Variants in GXYLT1 observed in about 807,000 individuals in gnomAD.
The protein encoded by GXYLT1 is glycosyltransferase 8 domain containing 3.
GXYLT1 carries 29 observed loss-of-function variants against 54.0 expected under a neutral mutation model. The observed-to-expected ratio is 0.54, with a 90% CI of 0.40 to 0.73. The LOEUF is 0.73. Ranked by LOEUF, GXYLT1 falls within the 30% of genes least tolerant of loss-of-function variation. The pLI is 0.00. For synonymous variants in GXYLT1, 176 were observed against 204.1 expected, an observed-to-expected ratio of 0.86 and a Z score of 1.17; for missense variants, 490 against 553.4, an observed-to-expected ratio of 0.89 and a Z score of 1.15.
chr12:42,118,783 A>G (rs1363535470), intron 3 of GXYLT1, among the ~76,000 whole-genome samples: 1 of 152,178 alleles, frequency 6.6e-6, no homozygotes, highest in Non-Finnish European at 1.5e-5. Context: ...CATGTAAGAC[A>G]TGCCTTACTT....
chr12:42,144,628 CG>C lies in GXYLT1; in HGVS notation c.18del (p.Val7SerfsTer51). The C allele has an allele frequency of 6.8e-7, 1 of 1,467,926 alleles. No homozygotes were observed. The highest frequency in any genetic ancestry group is 9.0e-7 in the Non-Finnish European group (1 of 1,107,988). 90.9% of individuals were successfully genotyped at this position (1,467,926 alleles called of 1,614,324 possible). ...CCGCAGGCCACACACAGCACCACGA[CG>C]CGCAGGTAGCGCCGCATCGCCCCGG... Reference protein sequence around the residue: MRRYLRVVVLCVACGF... With the variant: MRRYLXVVVLCVACGF... On this transcript the variant is annotated frameshift_variant, in exon 1 of 8. Coordinates refer to ENST00000398675, the MANE Select transcript of GXYLT1 (RefSeq NM_173601.2). LOFTEE classifies it high-confidence loss of function.
intron 2 of GXYLT1, among the ~76,000 whole-genome samples, chr12:42,123,031 A>C (rs1472401071): frequency 6.6e-6 from 1 of 152,150 alleles, no homozygotes; most frequent in Non-Finnish European, 1.5e-5. Flanking sequence ...GACATTCTGC[A>C]AAACAAAAAC....
chr12:42,114,368 C>T lies in GXYLT1; in HGVS notation c.486+4632G>A, dbSNP rs555008933. 1.4e-4 allele frequency among the ~76,000 whole-genome samples: 21 copies of T among 152,048 alleles called. No homozygotes were observed. The South Asian group carries it at 2.1e-3, about 15-fold the overall frequency. ...TGGTTTTTTGAAAAGATCAACAAAA[C>T]TGATAGAACGCTAGCAAGACTAACA... On this transcript the variant is annotated intron_variant, in intron 3 of 7. Transcript: ENST00000398675.
intron 1 of GXYLT1, 80 bp downstream of exon 1, chr12:42,144,346 G>A: frequency 2.2e-6 from 2 of 915,562 alleles, no homozygotes; most frequent in Non-Finnish European, 1.5e-6. Flanking sequence ...GGCACCCACC[G>A]GCGAGCAGCC....
At chr12:42,098,060 T>C (rs780998149) in intron 5 of GXYLT1, 27 bp from the exon 6 acceptor site, 3 of 1,603,880 alleles carry the variant, frequency 1.9e-6, no homozygotes, top group South Asian at 2.2e-5. Flanking sequence ...TCAAAAGAGC[T>C]TCAGACTTTC....
At chr12:42,097,126 C>T (rs552622421) in intron 7 of GXYLT1, among the ~76,000 whole-genome samples, 1 of 151,888 alleles carries the variant, frequency 6.6e-6, no homozygotes, top group South Asian at 2.1e-4. Flanking sequence ...TCTAGCTTGA[C>T]ATATGTACTG....
At position 42,144,439 on chromosome 12, in the gene GXYLT1, CG is replaced by C; in HGVS notation, c.207del (p.Gly70AlafsTer27). 7.6e-7 allele frequency: 1 copy of C among 1,320,856 alleles called. No individual in the cohort carries two copies. The highest frequency in any genetic ancestry group is 9.6e-7 in the Non-Finnish European group (1 of 1,041,664). The allele number at this position is 1,320,856 out of a possible 1,614,324, so 81.8% of individuals were successfully genotyped here. A position where few individuals can be genotyped will look rare whatever the true frequency, so the allele number is the denominator to read the frequency against. ...AACTGCCCGTACCTGTCCGACACGC[CG>C]GGATGCGCTGCGGGGCCCGCGACGC... is the stretch of plus-strand genomic sequence containing the variant. ...GAGVAGPAAH[P>X]GVSDRCKDFS... On this transcript the variant is annotated frameshift_variant, in exon 1 of 8. Coordinates refer to ENST00000398675, the MANE Select transcript of GXYLT1 (RefSeq NM_173601.2). LOFTEE classifies it high-confidence loss of function.
intron 7 of GXYLT1, among the ~76,000 whole-genome samples, chr12:42,095,554 C>G (rs886159887): frequency 4.6e-5 from 7 of 152,068 alleles, no homozygotes; most frequent in Non-Finnish European, 7.4e-5. Flanking sequence ...AACATACATA[C>G]ATCTGCTCAT....
intron 5 of GXYLT1, among the ~76,000 whole-genome samples, chr12:42,098,690 T>C (rs929634166): frequency 6.7e-6 from 1 of 148,412 alleles, no homozygotes; most frequent in Admixed American, 6.8e-5. Flanking sequence ...TTATGATGGA[T>C]TTTCCTATCC....
chr12:42,132,277 A>C (rs2065597552), intron 1 of GXYLT1, among the ~76,000 whole-genome samples: 1 of 152,194 alleles, frequency 6.6e-6, no homozygotes, highest in African/African-American at 2.4e-5. Flanking sequence ...CAATATCCGC[A>C]GATAAGTCTT....
intron 2 of GXYLT1, among the ~76,000 whole-genome samples, chr12:42,124,020 A>G (rs1384993130): frequency 6.6e-6 from 1 of 151,766 alleles, no homozygotes; most frequent in Non-Finnish European, 1.5e-5. Flanking sequence ...TACATATAAA[A>G]CACTTTCAAA....
intron 1 of GXYLT1, among the ~76,000 whole-genome samples, chr12:42,130,904 G>A (rs2065590340): frequency 6.6e-6 from 1 of 152,054 alleles, no homozygotes; most frequent in African/African-American, 2.4e-5. Flanking sequence ...CTGTGACTGT[G>A]CTACTGCACC....
intron 4 of GXYLT1, 126 bp downstream of exon 4, chr12:42,109,440 G>A: frequency 1.6e-6 from 1 of 634,584 alleles, no homozygotes; most frequent in South Asian, 6.1e-5. Context: ...TACATGCATT[G>A]ATTTCTATTT....
intron 2 of GXYLT1, among the ~76,000 whole-genome samples, chr12:42,120,795 C>T (rs775477191): frequency 2.0e-5 from 3 of 152,194 alleles, no homozygotes; most frequent in Non-Finnish European, 4.4e-5. Flanking sequence ...CTCAGCCTCC[C>T]AAAGTGCTGG....
chr12:42,144,874 T>C lies in GXYLT1; in HGVS notation c.-228A>G, dbSNP rs1295167152. The C allele has an allele frequency of 9.8e-6, 3 of 306,574 alleles. No individual in the cohort carries two copies. Among genetic ancestry groups the C allele is most frequent in the Admixed American group, 1.0e-4 (2 of 19,212 alleles). 19.0% of individuals were successfully genotyped at this position (306,574 alleles called of 1,614,324 possible). A position where few individuals can be genotyped will look rare whatever the true frequency, so the allele number is the denominator to read the frequency against. ...CGCCCGGAAGCCTGGACACCGCCTC[T>C]GCCGCCGCGCGCTCAAGGGTCAGCG... On this transcript the variant is annotated 5_prime_UTR_variant, in exon 1 of 8. Transcript: ENST00000398675.
chr12:42,138,379 TTTCA>T (rs1318826416), intron 1 of GXYLT1, among the ~76,000 whole-genome samples: 1 of 152,250 alleles, frequency 6.6e-6, no homozygotes, highest in Non-Finnish European at 1.5e-5. Flanking sequence ...AAATTTCTAA[TTTCA>T]TTAATCCTTG....
intron 2 of GXYLT1, among the ~76,000 whole-genome samples, chr12:42,121,936 T>C (rs2065533907): frequency 6.6e-6 from 1 of 151,974 alleles, no homozygotes; most frequent in Non-Finnish European, 1.5e-5. Flanking sequence ...CAATTGCAAC[T>C]GGAAAAAAAT....
chr12:42,142,813 C>A (rs1362375397), intron 1 of GXYLT1, among the ~76,000 whole-genome samples: 13 of 152,194 alleles, frequency 8.5e-5, no homozygotes, highest in Non-Finnish European at 1.9e-4. Context: ...TTCTTATGCG[C>A]GCAAATGTGG....
intron 3 of GXYLT1, among the ~76,000 whole-genome samples, chr12:42,114,981 G>C (rs1055403553): frequency 3.9e-5 from 6 of 152,162 alleles, no homozygotes; most frequent in East Asian, 1.9e-4. Context: ...TCAACATATG[G>C]AAATCAATAA....
Sources: gnomAD v4.1 joint callset for allele counts (sites outside exome capture counted in the v4.1 genomes callset) on GRCh38, gnomAD v4.1.1 for gene constraint, MANE v1.5 for transcripts, NCBI Gene and HGNC (gene_info 2026-07-23, HGNC 2026-07-21) for gene names.